SLC24A3: variants seen among roughly 807,000 people sequenced by gnomAD.
The protein encoded by SLC24A3 is solute carrier family 24 member 3, also known as sodium/potassium/calcium exchanger 3.
Under a neutral mutation model 75.8 loss-of-function variants are expected in SLC24A3, and 28 were observed. The ratio of observed to expected loss-of-function variants is 0.37; its 90% CI spans 0.27 to 0.51. The LOEUF (loss-of-function observed/expected upper bound fraction) is 0.51, where lower values mean the gene tolerates loss of function less well. SLC24A3 is among the 20% of genes least tolerant of loss of function. SLC24A3 has a pLI of 0.94. For synonymous variants in SLC24A3, 372 were observed against 334.1 expected (o/e 1.11, Z -1.24); for missense variants, 663 against 847.8 (o/e 0.78, Z 2.71).
At chr20:19,537,797 A>G (rs893130479) in intron 3 of SLC24A3, among the ~76,000 whole-genome samples, 2 of 149,444 alleles carry the variant, frequency 1.3e-5, no homozygotes, top group Admixed American at 6.7e-5. Flanking sequence ...CAAACACTGC[A>G]TGTTCTCACT....
rs555845100 is a variant in SLC24A3 at position 19,318,891 on chromosome 20, G to A, written c.271+37804G>A. ...TTGTTCCATGCTGAATGGCTGCCTCGGTCTAAATGATGCTTTTTTTTCTCC... is the reference window on the plus strand; with the variant it reads ...TTGTTCCATGCTGAATGGCTGCCTCAGTCTAAATGATGCTTTTTTTTCTCC... On this transcript the variant is annotated intron_variant, in intron 2 of 16. Transcript: ENST00000328041. 9.3e-4 allele frequency among the ~76,000 whole-genome samples: 141 copies of A among 152,140 alleles called. No homozygotes were observed. In the Middle Eastern group the frequency reaches 0.01, roughly 11 times the overall value.
Position 19,454,524 on chromosome 20 carries a change from T to C in SLC24A3, c.272-60964T>C, listed in dbSNP as rs1883694. Among the ~76,000 whole-genome samples, 1,418 of 152,326 alleles carry C rather than the reference T, an allele frequency of 9.3e-3. 8 individuals carry two copies. The highest frequency in any genetic ancestry group is 0.027 in the Middle Eastern group (8 of 294). ...GAAACCACTTCAAAAATGTGATTCATGGCCCAGGCTTGGGGGGACTCTCTA... is the reference window on the plus strand; with the variant it reads ...GAAACCACTTCAAAAATGTGATTCACGGCCCAGGCTTGGGGGGACTCTCTA... On this transcript the variant is annotated intron_variant, in intron 2 of 16. Coordinates refer to ENST00000328041, the MANE Select transcript of SLC24A3 (RefSeq NM_020689.4).
At chr20:19,697,050 G>A in intron 14 of SLC24A3, 139 bp downstream of exon 14, 1 of 631,722 alleles carries the variant, frequency 1.6e-6, no homozygotes, top group Non-Finnish European at 2.7e-6. Flanking sequence ...AGGGAGGGAG[G>A]GAGTGAAGGA....
intron 2 of SLC24A3, among the ~76,000 whole-genome samples, chr20:19,419,303 T>G (rs1489934993): frequency 6.6e-6 from 1 of 151,600 alleles, no homozygotes; most frequent in Non-Finnish European, 1.5e-5. Flanking sequence ...CACCACCACC[T>G]GTGAGGCCCT....
chr20:19,301,016 G>C (rs781519401), intron 2 of SLC24A3, among the ~76,000 whole-genome samples: 3 of 152,226 alleles, frequency 2.0e-5, no homozygotes, highest in Non-Finnish European at 2.9e-5. Flanking sequence ...TTTAGGTTGT[G>C]ACCTCCACAC....
At chr20:19,657,824 TATC>T (rs1254515834) in intron 7 of SLC24A3, among the ~76,000 whole-genome samples, 1 of 152,196 alleles carries the variant, frequency 6.6e-6, no homozygotes, top group Non-Finnish European at 1.5e-5. Context: ...TTTCCCCTAA[TATC>T]ATGGTAACAA....
intron 2 of SLC24A3, among the ~76,000 whole-genome samples, chr20:19,452,281 G>A (rs1474798715): frequency 6.6e-6 from 1 of 152,076 alleles, no homozygotes; most frequent in Admixed American, 6.6e-5. Flanking sequence ...TAGCCGTCAG[G>A]CTCCGAGCAG....
At chr20:19,224,409 C>T (rs77429558) in intron 1 of SLC24A3, among the ~76,000 whole-genome samples, 6,774 of 152,222 alleles carry the variant, frequency 0.045, 213 homozygotes, top group Non-Finnish European at 0.065. Flanking sequence ...CAATTTGGGG[C>T]AGGTCAGTCT....
At chr20:19,711,544 ATG>A (rs1217934060) in intron 15 of SLC24A3, among the ~76,000 whole-genome samples, 3 of 151,920 alleles carry the variant, frequency 2.0e-5, no homozygotes, top group Admixed American at 1.3e-4. Context: ...GCATGCAAAC[ATG>A]CAAACATGCA....
At chr20:19,516,852 G>A (rs1455121634) in intron 3 of SLC24A3, among the ~76,000 whole-genome samples, 1 of 152,208 alleles carries the variant, frequency 6.6e-6, no homozygotes, top group Non-Finnish European at 1.5e-5. Flanking sequence ...CAGGTCAGCA[G>A]GCACAGCCTG....
At chr20:19,707,221 G>T (rs1439529942) in intron 15 of SLC24A3, among the ~76,000 whole-genome samples, 1 of 152,184 alleles carries the variant, frequency 6.6e-6, no homozygotes, top group Admixed American at 6.5e-5. Context: ...TCAGGAAGCA[G>T]AAAAATGCAT....
At chr20:19,482,066 T>G (rs1440173878) in intron 2 of SLC24A3, among the ~76,000 whole-genome samples, 1 of 152,208 alleles carries the variant, frequency 6.6e-6, no homozygotes, top group Admixed American at 6.5e-5. Context: ...TGTTGCTTCA[T>G]TGGCCTCCAA....
intron 2 of SLC24A3, among the ~76,000 whole-genome samples, chr20:19,366,086 C>T (rs1231352919): frequency 6.6e-6 from 1 of 151,908 alleles, no homozygotes; most frequent in Non-Finnish European, 1.5e-5. Flanking sequence ...TAACTTGCCC[C>T]ATGATCTTTT....
intron 1 of SLC24A3, among the ~76,000 whole-genome samples, chr20:19,235,267 T>C (rs1286264533): frequency 6.6e-6 from 1 of 152,220 alleles, no homozygotes; most frequent in Non-Finnish European, 1.5e-5. Context: ...TACCCACTCA[T>C]CTTCCCTGCC....
At position 19,411,378 on chromosome 20, in the gene SLC24A3, C is replaced by T. The variant is rs1446455014; in HGVS notation, c.272-104110C>T. 2.0e-5 allele frequency among the ~76,000 whole-genome samples: 3 copies of T among 152,186 alleles called. No homozygotes were observed. In the East Asian group the frequency reaches 5.8e-4, roughly 29 times the overall value. On this transcript the variant is annotated intron_variant, in intron 2 of 16. Coordinates refer to ENST00000328041, the MANE Select transcript of SLC24A3 (RefSeq NM_020689.4). ...TTTTTTCTAACACAAGTCTTCAGAA[C>T]TCTGTGGTATCCTGTTAGTTGGCAG...
chr20:19,428,807 G>T (rs1987055025), intron 2 of SLC24A3, among the ~76,000 whole-genome samples: 1 of 152,146 alleles, frequency 6.6e-6, no homozygotes, highest in Admixed American at 6.5e-5. Flanking sequence ...TATTTAACCT[G>T]CCCTGCCCAG....
At chr20:19,453,806 C>T (rs1987533671) in intron 2 of SLC24A3, among the ~76,000 whole-genome samples, 3 of 152,220 alleles carry the variant, frequency 2.0e-5, no homozygotes, top group Admixed American at 6.5e-5. Context: ...ACTTGCAGGG[C>T]CTGCCCACTG....
chr20:19,231,860 A>G (rs902788938), intron 1 of SLC24A3, among the ~76,000 whole-genome samples: 7 of 152,260 alleles, frequency 4.6e-5, no homozygotes, highest in African/African-American at 1.7e-4. Context: ...ATGGAAATTT[A>G]CATTAACATG....
At chr20:19,547,395 G>A (rs1303986815) in intron 3 of SLC24A3, among the ~76,000 whole-genome samples, 2 of 152,214 alleles carry the variant, frequency 1.3e-5, no homozygotes, top group East Asian at 3.9e-4. Context: ...GTAAGGACTG[G>A]CTGCAAATGG....
Sources: allele counts gnomAD v4.1 joint callset (sites outside exome capture counted in the v4.1 genomes callset), GRCh38; gene constraint gnomAD v4.1.1; transcripts MANE v1.5; gene names NCBI Gene and HGNC (gene_info 2026-07-23, HGNC 2026-07-21).